Variants in CHFR observed in about 807,000 individuals in gnomAD.
CHFR encodes the protein checkpoint with forkhead and ring finger domains, also known as E3 ubiquitin-protein ligase CHFR.
A neutral mutation model predicts 87.6 loss-of-function variants in CHFR; 57 were observed. That is an observed-to-expected ratio of 0.65 (90% CI 0.53 to 0.81). The LOEUF is 0.81. Ranked by LOEUF, CHFR falls within the 30% of genes least tolerant of loss-of-function variation. The pLI is 0.00. For synonymous variants in CHFR, 381 were observed against 359.2 expected, an observed-to-expected ratio of 1.06 and a Z score of -0.69; for missense variants, 797 against 865.8, an observed-to-expected ratio of 0.92 and a Z score of 1.00.
chr12:132,850,226 TTTAA>T (rs1161774738), intron 12 of CHFR, among the ~76,000 whole-genome samples: 1 of 152,128 alleles, frequency 6.6e-6, no homozygotes, highest in Non-Finnish European at 1.5e-5. Flanking sequence ...GGAAATTATT[TTTAA>T]TTGTCTGATA....
At chr12:132,853,397 G>A (rs1950990192) in intron 11 of CHFR, 34 bp downstream of exon 11, 9 of 1,475,560 alleles carry the variant, frequency 6.1e-6, no homozygotes, top group Non-Finnish European at 8.0e-6. Context: ...AGTGACTCAC[G>A]CGAAGGCTGA....
intron 3 of CHFR, among the ~76,000 whole-genome samples, chr12:132,873,097 A>T (rs1226818324): frequency 6.6e-6 from 1 of 152,180 alleles, no homozygotes; most frequent in Non-Finnish European, 1.5e-5. Context: ...CCCGACACAC[A>T]AAACGGCAAC....
chr12:132,877,767 G>A (rs1414793562), intron 2 of CHFR, 113 bp from the exon 3 acceptor site: 2 of 538,306 alleles, frequency 3.7e-6, no homozygotes, highest in Admixed American at 4.1e-5. Context: ...TTGTACATAT[G>A]TAAAAAAAAA....
chr12:132,872,041 AT>A, intron 4 of CHFR: 2 of 455,998 alleles, frequency 4.4e-6, no homozygotes, highest in Non-Finnish European at 7.8e-6. Context: ...CTTGGCTGCC[AT>A]TTTGGGATTG....
At chr12:132,885,112 T>A (rs1017711009) in intron 2 of CHFR, among the ~76,000 whole-genome samples, 2 of 142,834 alleles carry the variant, frequency 1.4e-5, no homozygotes, top group South Asian at 4.5e-4. Flanking sequence ...TAAAATAAAA[T>A]AAAAAATAAA....
At chr12:132,859,641 C>T (rs977970464) in intron 7 of CHFR, among the ~76,000 whole-genome samples, 9 of 152,190 alleles carry the variant, frequency 5.9e-5, no homozygotes, top group East Asian at 1.9e-4. Flanking sequence ...TGAGCTACCG[C>T]GCCCCACCCT....
intron 3 of CHFR, among the ~76,000 whole-genome samples, chr12:132,875,607 G>A (rs573243437): frequency 6.6e-6 from 1 of 152,268 alleles, no homozygotes; most frequent in Non-Finnish European, 1.5e-5. Context: ...CTGAGCCACA[G>A]AGCGAGACTC....
At chr12:132,846,040 C>T (rs1950814080) in intron 15 of CHFR, among the ~76,000 whole-genome samples, 5 of 152,176 alleles carry the variant, frequency 3.3e-5, no homozygotes. Flanking sequence ...GAGCTCTCCT[C>T]TTCTTCCCCA....
At position 132,839,687 on chromosome 12, in the gene CHFR, C is replaced by G. The variant is rs1318829314; in HGVS notation, c.*1867G>C. On this transcript the variant is annotated 3_prime_UTR_variant, in exon 18 of 18. Transcript: ENST00000450056. ...CCTCCCCTCTCCCTCACCCCTGCACCAACTCAAGACTTCCCTTCTTGGCCT... is the reference window on the plus strand; with the variant it reads ...CCTCCCCTCTCCCTCACCCCTGCACGAACTCAAGACTTCCCTTCTTGGCCT... 1 of 152,206 alleles carries G rather than the reference C, an allele frequency of 6.6e-6. No individual in the cohort carries two copies. The highest frequency in any genetic ancestry group is 2.8e-5 in the African/African-American group (1 of 35,660). 9.4% of individuals were successfully genotyped at this position (152,206 alleles called of 1,614,324 possible).
At chr12:132,880,583 A>G (rs1296584340) in intron 2 of CHFR, among the ~76,000 whole-genome samples, 1 of 151,870 alleles carries the variant, frequency 6.6e-6, no homozygotes, top group African/African-American at 2.4e-5. Flanking sequence ...GCGTGAACCC[A>G]GGAGGTGGAG....
intron 11 of CHFR, 128 bp downstream of exon 11, chr12:132,853,303 C>G: frequency 9.7e-7 from 1 of 1,032,168 alleles, no homozygotes; most frequent in East Asian, 3.2e-5. Flanking sequence ...ACCAATGAGG[C>G]CAGGGCCCAA....
At chr12:132,848,349 C>T in intron 13 of CHFR, 194 bp from the exon 14 acceptor site, 2 of 1,076,434 alleles carry the variant, frequency 1.9e-6, no homozygotes, top group Non-Finnish European at 2.7e-6. Flanking sequence ...TTAAAAAGAT[C>T]AGCTCTCCGA....
chr12:132,841,455 C>A lies in CHFR; in HGVS notation c.*99G>T. 9.3e-7 allele frequency: 1 copy of A among 1,072,002 alleles called. No individual in the cohort carries two copies. Among genetic ancestry groups the A allele is most frequent in the South Asian group, 1.3e-5 (1 of 79,786 alleles). 66.4% of individuals were successfully genotyped at this position (1,072,002 alleles called of 1,614,324 possible). A position where few individuals can be genotyped will look rare whatever the true frequency, so the allele number is the denominator to read the frequency against. On this transcript the variant is annotated 3_prime_UTR_variant, in exon 18 of 18. Transcript: ENST00000450056. ...GTCGGAGACCCTGCGTCCCTTCCCT[C>A]AGGGGGCTGTGAAAACACCTTGACG...
At chr12:132,883,865 C>T (rs193277226) in intron 2 of CHFR, among the ~76,000 whole-genome samples, 3 of 152,320 alleles carry the variant, frequency 2.0e-5, no homozygotes, top group South Asian at 4.1e-4. Context: ...GTAATCCCAA[C>T]GCTTTGGGAG....
In CHFR at chr12:132,838,400, C is replaced by G. The variant is rs1433010671; in HGVS notation, c.*3154G>C. On this transcript the variant is annotated 3_prime_UTR_variant, in exon 18 of 18. Transcript: ENST00000450056. ...TATGACAGAGGCCATCCCAGAGAGG[C>G]CTCACTGGGGTGGACGGGTTCACCT... 4 of 152,314 alleles carry G rather than the reference C, an allele frequency of 2.6e-5. No homozygotes were observed. The highest frequency in any genetic ancestry group is 2.0e-4 in the Admixed American group (3 of 15,292). The allele number at this position is 152,314 out of a possible 1,614,324, so 9.4% of individuals were successfully genotyped here.
chr12:132,887,392 A>T, intron 1 of CHFR, 52 bp from the exon 2 acceptor site: 5 of 1,212,246 alleles, frequency 4.1e-6, no homozygotes, highest in Non-Finnish European at 5.1e-6. Context: ...AGAGGCCGAG[A>T]CTCGGCGCCC....
chr12:132,835,580 C>T lies in CHFR; in HGVS notation c.*5974G>A, dbSNP rs983725882. Reference sequence around the variant, plus strand: ...ACAAACACGCATGAAGAGAAGATGACGTGAGAACTCAAGGAGATGCTGCCC... The same window carrying T: ...ACAAACACGCATGAAGAGAAGATGATGTGAGAACTCAAGGAGATGCTGCCC... On this transcript the variant is annotated 3_prime_UTR_variant, in exon 18 of 18. Coordinates refer to ENST00000450056, the MANE Select transcript of CHFR (RefSeq NM_001161346.2). 2 of 175,918 alleles carry T rather than the reference C, an allele frequency of 1.1e-5. No individual in the cohort carries two copies. Among genetic ancestry groups the T allele is most frequent in the Non-Finnish European group, 1.2e-5 (1 of 82,006 alleles). 10.9% of individuals were successfully genotyped at this position (175,918 alleles called of 1,614,324 possible).
chr12:132,878,523 T>C (rs1424396843), intron 2 of CHFR, among the ~76,000 whole-genome samples: 1 of 150,452 alleles, frequency 6.6e-6, no homozygotes, highest in Non-Finnish European at 1.5e-5. Context: ...ACAGCTAACC[T>C]GATGAGTATT....
Position 132,834,903 on chromosome 12 carries a change from G to A in CHFR, c.*6651C>T, listed in dbSNP as rs1189350364. 2 of 151,618 alleles carry A rather than the reference G, an allele frequency of 1.3e-5. No homozygotes were observed. Among genetic ancestry groups the A allele is most frequent in the Admixed American group, 1.3e-4 (2 of 15,216 alleles). The allele number at this position is 151,618 out of a possible 1,614,324, so 9.4% of individuals were successfully genotyped here. On this transcript the variant is annotated 3_prime_UTR_variant, in exon 18 of 18. Transcript: ENST00000450056. ...GCTAATTTTTTGGTATTTTTTAGTA[G>A]AGACGGGGTTTCACCATGTTAGCCA...
Sources: gnomAD v4.1 joint callset for allele counts (sites outside exome capture counted in the v4.1 genomes callset) on GRCh38, gnomAD v4.1.1 for gene constraint, MANE v1.5 for transcripts, NCBI Gene and HGNC (gene_info 2026-07-23, HGNC 2026-07-21) for gene names.